Variants in CDH23 observed in about 807,000 individuals in gnomAD.
CDH23 encodes cadherin related 23.
A neutral mutation model predicts 317.1 loss-of-function variants in CDH23; 189 were observed. The ratio of observed to expected loss-of-function variants is 0.60; its 90% CI spans 0.53 to 0.67. The LOEUF (loss-of-function observed/expected upper bound fraction) is 0.67. Among genes scored for constraint, CDH23 ranks in the 30% least tolerant of loss-of-function variants. The pLI is 0.00. For synonymous variants in CDH23, 1,839 were observed against 1,876.8 expected (o/e 0.98, Z 0.52); for missense variants, 4,401 against 4,592.4 (o/e 0.96, Z 1.20).
intron 3 of CDH23, among the ~76,000 whole-genome samples, chr10:71,507,247 C>T (rs1853693440): frequency 6.6e-6 from 1 of 152,114 alleles, no homozygotes; most frequent in African/African-American, 2.4e-5. Context: ...TGGAATCTGC[C>T]CAAGGCTTTG....
intron 6 of CDH23, among the ~76,000 whole-genome samples, chr10:71,543,361 G>A (rs79653317): frequency 0.041 from 6,214 of 152,270 alleles, 222 homozygotes; most frequent in South Asian, 0.15. Context: ...TGAGGATGGG[G>A]ACAGCTCCCC....
At chr10:71,575,540 C>T (rs1252989720) in intron 8 of CDH23, among the ~76,000 whole-genome samples, 1 of 152,152 alleles carries the variant, frequency 6.6e-6, no homozygotes, top group East Asian at 1.9e-4. Flanking sequence ...TTACAAACAG[C>T]GGGGCCCCTG....
At chr10:71,423,083 C>T (rs969651164) in intron 1 of CDH23, among the ~76,000 whole-genome samples, 1 of 152,086 alleles carries the variant, frequency 6.6e-6, no homozygotes. Flanking sequence ...TTATGACGGC[C>T]CTTGTGTTAG....
At chr10:71,760,287 ATGTGT>A (rs1840341051) in intron 38 of CDH23, among the ~76,000 whole-genome samples, 2 of 111,888 alleles carry the variant, frequency 1.8e-5, no homozygotes, top group South Asian at 2.8e-4. Flanking sequence ...GTATGTATAT[ATGTGT>A]ATATATATGT....
At chr10:71,425,666 T>C (rs1261745514) in intron 1 of CDH23, among the ~76,000 whole-genome samples, 2 of 152,212 alleles carry the variant, frequency 1.3e-5, no homozygotes, top group African/African-American at 4.8e-5. Context: ...CATGGGGTTC[T>C]GTGCCAGGAG....
At chr10:71,571,028 C>T in intron 8 of CDH23, 110 bp downstream of exon 8, 1 of 1,245,380 alleles carries the variant, frequency 8.0e-7, no homozygotes, top group Non-Finnish European at 1.1e-6. Context: ...CTTGGCTCCT[C>T]CGCAGTCCCT....
intron 11 of CDH23, among the ~76,000 whole-genome samples, chr10:71,634,218 C>T (rs557807662): frequency 2.1e-4 from 32 of 152,334 alleles, no homozygotes; most frequent in Middle Eastern, 3.4e-3. Context: ...TCCCTCTCTG[C>T]GGTGCTGCCC....
intron 1 of CDH23, among the ~76,000 whole-genome samples, chr10:71,417,367 G>A (rs1472268224): frequency 2.0e-5 from 3 of 151,978 alleles, no homozygotes; most frequent in East Asian, 1.9e-4. Flanking sequence ...CTGAGCCACC[G>A]TGCCCGACCT....
At chr10:71,425,218 GCA>G (rs1491335648) in intron 1 of CDH23, among the ~76,000 whole-genome samples, 5 of 76,130 alleles carry the variant, frequency 6.6e-5, no homozygotes, top group Admixed American at 1.5e-4. Flanking sequence ...TCACAGTGGG[GCA>G]GAGAGAGAGA....
At chr10:71,645,672 G>GCTGCTCTGGGAAAGCC (rs1370400845) in intron 12 of CDH23, 159 bp from the exon 13 acceptor site, 1 of 839,468 alleles carries the variant, frequency 1.2e-6, no homozygotes, top group South Asian at 1.3e-5. Context: ...GAGTCTTGGA[G>GCTGCTCTGGGAAAGCC]CTGCTCTGGG....
At chr10:71,732,693 A>G (rs1326422506) in intron 32 of CDH23, 2 of 1,307,902 alleles carry the variant, frequency 1.5e-6, no homozygotes, top group East Asian at 3.2e-5. Context: ...CCATTTTCAT[A>G]TGTAGGAGTA....
intron 20 of CDH23, among the ~76,000 whole-genome samples, chr10:71,693,857 C>A (rs376544428): frequency 6.6e-6 from 1 of 152,224 alleles, no homozygotes. Flanking sequence ...TGTTCTCCAG[C>A]CCCTAACCCC....
chr10:71,815,126 CAGAAGGG>C lies in CDH23; in HGVS notation c.9914_9920del (p.Gln3305ProfsTer9). 1 of 1,611,356 alleles carries C rather than the reference CAGAAGGG, an allele frequency of 6.2e-7. No homozygotes were observed. The highest frequency in any genetic ancestry group is 8.5e-7 in the Non-Finnish European group (1 of 1,179,162). The stretch of plus-strand genomic sequence containing the variant: ...CCTCAACAGCCTGCCCGAGGAAGAC[CAGAAGGG>C]CCTGGGCCGCTCGCTGGAGACGCTG... On this transcript the variant is annotated frameshift_variant, in exon 70 of 70. Transcript: ENST00000224721. LOFTEE classifies it high-confidence loss of function.
Position 71,805,794 on chromosome 10 carries a change from T to C in CDH23, c.7873-12T>C, listed in dbSNP as rs1478349824. 3 of 1,606,130 alleles carry C rather than the reference T, an allele frequency of 1.9e-6. No individual in the cohort carries two copies. Among genetic ancestry groups the C allele is most frequent in the East Asian group, 2.2e-5 (1 of 44,750 alleles). ...AGGGGTCCAGGAGCCTTCCTCCCCA[T>C]GCTCCCCACAGGAGATCCCGCTGCG... On this transcript the variant is annotated splice_polypyrimidine_tract_variant and intron_variant, in intron 55 of 69. Transcript: ENST00000224721.
chr10:71,492,257 C>T (rs1187704808), intron 3 of CDH23, among the ~76,000 whole-genome samples: 1 of 152,184 alleles, frequency 6.6e-6, no homozygotes, highest in Non-Finnish European at 1.5e-5. Context: ...TGCCTCCTGC[C>T]CACCCACATT....
Position 71,785,151 on chromosome 10 carries a change from G to A in CDH23, c.5712+51G>A, listed in dbSNP as rs567165292. On this transcript the variant is annotated intron_variant, in intron 43 of 69. Coordinates refer to ENST00000224721, the MANE Select transcript of CDH23 (RefSeq NM_022124.6). The stretch of plus-strand genomic sequence containing the variant: ...GCTTCCCAGGGTTTCCAGTGAAAAA[G>A]AGGACCCTGCCCTAGAGGCTTTTCT... 1.5e-4 allele frequency: 229 copies of A among 1,506,922 alleles called. No individual in the cohort carries two copies. In the South Asian group the frequency reaches 2.6e-3, roughly 17 times the overall value. 93.3% of individuals were successfully genotyped at this position (1,506,922 alleles called of 1,614,324 possible). A position where few individuals can be genotyped will look rare whatever the true frequency, so the allele number is the denominator to read the frequency against.
chr10:71,679,333 C>G, intron 16 of CDH23, 54 bp from the exon 17 acceptor site: 4 of 1,003,152 alleles, frequency 4.0e-6, no homozygotes, highest in Non-Finnish European at 4.6e-6. Flanking sequence ...CCACCCTCTT[C>G]TGGCCCCCAG....
At position 71,812,588 on chromosome 10, in the gene CDH23, G is replaced by A; in HGVS notation, c.9489G>A (p.Trp3163Ter). Residue 3163 changes from tryptophan (W) to a stop codon, truncating the protein, a stop_gained, in exon 67 of 70, where the codon TGG (tryptophan) becomes TGA (stop). Transcript: ENST00000224721. LOFTEE classifies it high-confidence loss of function. ...ACCTGAGTGAGATCGCCGACCTGTG[G>A]AACAGCCCCACGCGCACCCATGTGA... ...PENLSEIADL[W>*]NSPTRTHGTF... is the part of the protein sequence containing the mutation. 1.2e-6 allele frequency: 2 copies of A among 1,613,964 alleles called. No individual in the cohort carries two copies. The highest frequency in any genetic ancestry group is 1.7e-6 in the Non-Finnish European group (2 of 1,179,898).
At chr10:71,536,506 G>C (rs1855712199) in intron 6 of CDH23, among the ~76,000 whole-genome samples, 2 of 152,192 alleles carry the variant, frequency 1.3e-5, no homozygotes, top group Non-Finnish European at 2.9e-5. Context: ...GTGACGGCAT[G>C]ACACAAATGA....
Sources: allele counts gnomAD v4.1 joint callset (sites outside exome capture counted in the v4.1 genomes callset), GRCh38; gene constraint gnomAD v4.1.1; transcripts MANE v1.5; gene names NCBI Gene and HGNC (gene_info 2026-07-23, HGNC 2026-07-21).